Variants in MACROD2 observed in about 807,000 individuals in gnomAD.
MACROD2 encodes the protein ADP-ribose glycohydrolase MACROD2.
MACROD2 carries 36 observed loss-of-function variants against 70.4 expected under a neutral mutation model. The ratio of observed to expected loss-of-function variants is 0.51; its 90% CI spans 0.39 to 0.68. The LOEUF (loss-of-function observed/expected upper bound fraction) is 0.68, where lower values mean the gene tolerates loss of function less well. MACROD2 is among the 30% of genes least tolerant of loss of function. The pLI, the probability that MACROD2 is intolerant of heterozygous loss-of-function variation, is 0.00. For synonymous variants in MACROD2, 172 were observed against 178.8 expected (o/e 0.96, Z 0.30); for missense variants, 496 against 538.4 (o/e 0.92, Z 0.78).
At chr20:14,377,372 A>C (rs1735555044) in intron 3 of MACROD2, among the ~76,000 whole-genome samples, 1 of 152,060 alleles carries the variant, frequency 6.6e-6, no homozygotes. Flanking sequence ...CCACACCATC[A>C]CTCCTGTGTT....
At chr20:14,049,175 A>AAAAAAC in intron 2 of MACROD2, among the ~76,000 whole-genome samples, 1 of 50,876 alleles carries the variant, frequency 2.0e-5, no homozygotes, top group East Asian at 5.3e-4. Context: ...TATATTTAAT[A>AAAAAAC]AAAAAAAAAA....
At chr20:14,565,244 T>G (rs1175135397) in intron 4 of MACROD2, among the ~76,000 whole-genome samples, 1 of 151,866 alleles carries the variant, frequency 6.6e-6, no homozygotes, top group Non-Finnish European at 1.5e-5. Context: ...TTGGGTACAA[T>G]GTGCACTATT....
At chr20:15,698,597 T>G (rs1249694527) in intron 8 of MACROD2, among the ~76,000 whole-genome samples, 1 of 152,204 alleles carries the variant, frequency 6.6e-6, no homozygotes, top group Non-Finnish European at 1.5e-5. Flanking sequence ...TTCTTTGTGC[T>G]TCTTGTATTT....
At chr20:14,750,675 G>C (rs1469785487) in intron 5 of MACROD2, among the ~76,000 whole-genome samples, 1 of 151,222 alleles carries the variant, frequency 6.6e-6, no homozygotes, top group East Asian at 1.9e-4. Flanking sequence ...GCCCAGGCTG[G>C]TGTTGAACTC....
intron 3 of MACROD2, among the ~76,000 whole-genome samples, chr20:14,092,808 A>C (rs925702126): frequency 6.6e-6 from 1 of 152,170 alleles, no homozygotes; most frequent in African/African-American, 2.4e-5. Context: ...TATGGTATTT[A>C]TTTTTGTATG....
chr20:15,769,817 G>A (rs1221429475), intron 8 of MACROD2, among the ~76,000 whole-genome samples: 1 of 152,126 alleles, frequency 6.6e-6, no homozygotes, highest in Non-Finnish European at 1.5e-5. Context: ...ATTTGTATTT[G>A]AGAGTGAGTG....
At chr20:15,006,744 C>G (rs1028404031) in intron 5 of MACROD2, among the ~76,000 whole-genome samples, 1 of 152,006 alleles carries the variant, frequency 6.6e-6, no homozygotes, top group Non-Finnish European at 1.5e-5. Flanking sequence ...AGCAGAGGAG[C>G]GGGTCTTCCA....
At chr20:14,888,862 C>G (rs1490281808) in intron 5 of MACROD2, among the ~76,000 whole-genome samples, 1 of 152,106 alleles carries the variant, frequency 6.6e-6, no homozygotes, top group Non-Finnish European at 1.5e-5. Context: ...GTAATTCTTT[C>G]CAGTATCATA....
intron 5 of MACROD2, among the ~76,000 whole-genome samples, chr20:14,831,307 T>C (rs1424583307): frequency 6.6e-6 from 1 of 152,144 alleles, no homozygotes; most frequent in African/African-American, 2.4e-5. Context: ...CATTTGCCAT[T>C]TGGGAATATT....
At chr20:15,338,844 A>G (rs1348353714) in intron 6 of MACROD2, among the ~76,000 whole-genome samples, 1 of 137,400 alleles carries the variant, frequency 7.3e-6, no homozygotes, top group Non-Finnish European at 1.5e-5. Flanking sequence ...GACTGGAAAC[A>G]CAAGCATTAT....
intron 6 of MACROD2, among the ~76,000 whole-genome samples, chr20:15,368,902 G>A (rs924575849): frequency 1.3e-5 from 2 of 152,176 alleles, no homozygotes; most frequent in African/African-American, 4.8e-5. Flanking sequence ...CTAGACCATG[G>A]GAAGAACTGC....
At chr20:15,541,675 A>G (rs1288036888) in intron 8 of MACROD2, among the ~76,000 whole-genome samples, 2 of 152,198 alleles carry the variant, frequency 1.3e-5, no homozygotes, top group African/African-American at 4.8e-5. Flanking sequence ...TCTGTTTCTA[A>G]TGAAAACATT....
intron 5 of MACROD2, among the ~76,000 whole-genome samples, chr20:14,874,900 T>C (rs187206486): frequency 2.6e-5 from 4 of 151,666 alleles, no homozygotes; most frequent in Admixed American, 6.6e-5. Context: ...AGACAGGGTT[T>C]CACCATGTTG....
chr20:14,567,896 A>T (rs955178616), intron 4 of MACROD2, among the ~76,000 whole-genome samples: 2 of 152,110 alleles, frequency 1.3e-5, no homozygotes, highest in Non-Finnish European at 2.9e-5. Context: ...ATTATGAATA[A>T]CATAGGTAAG....
rs955985389 is a variant in MACROD2 at position 14,704,335 on chromosome 20, C to G, written c.418+19376C>G. ...TAATGGGCCCTTGATTTATTGCGCCCTTTTCCTACCGTGTAAATAGCCCAG... is the reference window on the plus strand; with the variant it reads ...TAATGGGCCCTTGATTTATTGCGCCGTTTTCCTACCGTGTAAATAGCCCAG... On this transcript the variant is annotated intron_variant, in intron 5 of 17. Coordinates refer to ENST00000684519, the MANE Select transcript of MACROD2 (RefSeq NM_001351661.2). Among the ~76,000 whole-genome samples the G allele has an allele frequency of 2.6e-5, 4 of 152,146 alleles. No homozygotes were observed. In the East Asian group the frequency reaches 7.7e-4, roughly 29 times the overall value.
intron 3 of MACROD2, 40 bp downstream of exon 3, chr20:14,085,768 G>A: frequency 8.4e-7 from 1 of 1,185,668 alleles, no homozygotes; most frequent in Non-Finnish European, 1.1e-6. Context: ...TGTTATGTAA[G>A]TATTATTTCA....
intron 6 of MACROD2, among the ~76,000 whole-genome samples, chr20:15,422,652 G>A (rs866551741): frequency 2.0e-5 from 3 of 152,170 alleles, no homozygotes; most frequent in Non-Finnish European, 4.4e-5. Flanking sequence ...AATTATTGCT[G>A]CAGTGCTGCT....
chr20:15,106,532 G>A (rs945280932), intron 5 of MACROD2, among the ~76,000 whole-genome samples: 1 of 152,072 alleles, frequency 6.6e-6, no homozygotes, highest in Non-Finnish European at 1.5e-5. Context: ...GTCCAATCCA[G>A]GCTTGAACCC....
intron 3 of MACROD2, among the ~76,000 whole-genome samples, chr20:14,365,901 G>T (rs971191481): frequency 2.0e-5 from 3 of 152,034 alleles, no homozygotes; most frequent in African/African-American, 7.2e-5. Context: ...TTATGTATTT[G>T]TGAATATTCC....
Sources: gnomAD v4.1 joint callset for allele counts (sites outside exome capture counted in the v4.1 genomes callset) on GRCh38, gnomAD v4.1.1 for gene constraint, MANE v1.5 for transcripts, NCBI Gene and HGNC (gene_info 2026-07-23, HGNC 2026-07-21) for gene names.